Variants in ST8SIA4 observed in about 807,000 individuals in gnomAD.
The protein encoded by ST8SIA4 is ST8 alpha-N-acetyl-neuraminide alpha-2,8-sialyltransferase 4, also known as CMP-N-acetylneuraminate-poly-alpha-2,8-sialyltransferase.
In ST8SIA4, 15 loss-of-function variants were observed where a neutral mutation model predicts 33.9. That is an observed-to-expected ratio of 0.44 (90% CI 0.30 to 0.68). The LOEUF (loss-of-function observed/expected upper bound fraction) is 0.68, where lower values mean the gene tolerates loss of function less well. Ranked by LOEUF, ST8SIA4 falls within the 30% of genes least tolerant of loss-of-function variation. The pLI is 0.10. For synonymous variants in ST8SIA4, 171 were observed against 151.2 expected, an observed-to-expected ratio of 1.13 and a Z score of -0.96; for missense variants, 321 against 428.0, an observed-to-expected ratio of 0.75 and a Z score of 2.21.
chr5:100,888,703 GA>G (rs1752593927), intron 2 of ST8SIA4, among the ~76,000 whole-genome samples: 1 of 151,880 alleles, frequency 6.6e-6, no homozygotes, highest in African/African-American at 2.4e-5. Flanking sequence ...CTCTAACTCA[GA>G]AGGCATAAGC....
At position 100,856,756 on chromosome 5, in the gene ST8SIA4, T is replaced by G. The variant is rs2112440809; in HGVS notation, c.504-360A>C. On this transcript the variant is annotated intron_variant, in intron 3 of 4. Coordinates refer to ENST00000231461, the MANE Select transcript of ST8SIA4 (RefSeq NM_005668.6). ...TTCTTTGGCCATTCAGTAGTCAATT[T>G]AAACCACATGCTGCTCTACAAGTGA... is the stretch of plus-strand genomic sequence containing the variant. 2.0e-5 allele frequency among the ~76,000 whole-genome samples: 3 copies of G among 152,330 alleles called. No homozygotes were observed. In the South Asian group the frequency reaches 6.2e-4, roughly 32 times the overall value.
At position 100,811,850 on chromosome 5, in the gene ST8SIA4, T is replaced by A; in HGVS notation, c.1077A>T (p.Gln359His). 6.2e-7 allele frequency: 1 copy of A among 1,602,670 alleles called. No individual in the cohort carries two copies. Among genetic ancestry groups the A allele is most frequent in the Non-Finnish European group, 8.5e-7 (1 of 1,174,230 alleles). The part of the protein sequence containing the change: ...LKLTTGKCVK[Q>H] ...ATTGTTTGTTTCAAAATGTGCTTTA[T>A]TGCTTTACACACTTTCCTGTTGTCA... Residue 359 changes from glutamine to histidine, a missense_variant, in exon 5 of 5, where the codon CAA (glutamine) becomes CAT (histidine). Gln to His is a conservative substitution (Grantham distance 24, BLOSUM62 0). Transcript: ENST00000231461.
intron 4 of ST8SIA4, among the ~76,000 whole-genome samples, chr5:100,838,890 T>G (rs1580456642): frequency 6.6e-6 from 1 of 152,146 alleles, no homozygotes; most frequent in South Asian, 2.1e-4. Flanking sequence ...AATCATAAAA[T>G]GGTGGCATTC....
At chr5:100,849,808 A>G (rs1197247195) in intron 4 of ST8SIA4, among the ~76,000 whole-genome samples, 1 of 152,106 alleles carries the variant, frequency 6.6e-6, no homozygotes, top group African/African-American at 2.4e-5. Flanking sequence ...AAAGAAACCC[A>G]AAAAACAAAA....
At chr5:100,872,987 T>A (rs556669346) in intron 3 of ST8SIA4, among the ~76,000 whole-genome samples, 14 of 152,088 alleles carry the variant, frequency 9.2e-5, no homozygotes, top group Middle Eastern at 6.8e-3. Context: ...ACCTGGACAC[T>A]GTAATCAAAT....
rs17160328 is a variant in ST8SIA4 at position 100,843,850 on chromosome 5, A to G, written c.797+12253T>C. On this transcript the variant is annotated intron_variant, in intron 4 of 4. Transcript: ENST00000231461. ...TAAATCCCTTCTTTTAATCTCAACAACTTATTTGCCCCTAAGAATGAATTA... is the reference window on the plus strand; with the variant it reads ...TAAATCCCTTCTTTTAATCTCAACAGCTTATTTGCCCCTAAGAATGAATTA... 7.4e-3 allele frequency among the ~76,000 whole-genome samples: 1,124 copies of G among 151,912 alleles called. 19 individuals are homozygous for G. Among genetic ancestry groups the G allele is most frequent in the African/African-American group, 0.025 (1,049 of 41,492 alleles).
intron 3 of ST8SIA4, among the ~76,000 whole-genome samples, chr5:100,876,386 T>A (rs960152027): frequency 4.6e-5 from 7 of 152,114 alleles, no homozygotes; most frequent in African/African-American, 1.7e-4. Flanking sequence ...GGTACATAAA[T>A]GGCACATCAA....
Position 100,807,680 on chromosome 5 carries a change from G to C in ST8SIA4, c.*4167C>G, listed in dbSNP as rs1425266618. ...CTCTTAAAGCACGTTAGTAACTGAAGTCTCAAAAGAACTTCTTTATTCTAA... is the reference window on the plus strand; with the variant it reads ...CTCTTAAAGCACGTTAGTAACTGAACTCTCAAAAGAACTTCTTTATTCTAA... On this transcript the variant is annotated 3_prime_UTR_variant, in exon 5 of 5. Transcript: ENST00000231461. 2 of 152,472 alleles carry C rather than the reference G, an allele frequency of 1.3e-5. No individual in the cohort carries two copies. Among genetic ancestry groups the C allele is most frequent in the Non-Finnish European group, 2.9e-5 (2 of 67,958 alleles). The allele number at this position is 152,472 out of a possible 1,614,324, so 9.4% of individuals were successfully genotyped here. A position where few individuals can be genotyped will look rare whatever the true frequency, so the allele number is the denominator to read the frequency against.
At position 100,895,767 on chromosome 5, in the gene ST8SIA4, C is replaced by G; in HGVS notation, c.132G>C (p.Leu44Phe). The G allele has an allele frequency of 1.9e-6, 3 of 1,611,572 alleles. No individual in the cohort carries two copies. Among genetic ancestry groups the G allele is most frequent in the Non-Finnish European group, 2.5e-6 (3 of 1,178,748 alleles). The change falls in exon 2 of 5, where the codon TTG (leucine) becomes TTC (phenylalanine). Residue 44 changes from leucine to phenylalanine, a missense_variant. Physicochemically the swap from Leu to Phe is conservative, Grantham distance 22. Coordinates refer to ENST00000231461, the MANE Select transcript of ST8SIA4 (RefSeq NM_005668.6). ...TQLIGDGELS[L>F]SRSLVNSSDK... ...CAGAGCTATTGACAAGTGACCGACT[C>G]AAAGACAATTCACCATCTCTGAAAC... is the stretch of plus-strand genomic sequence containing the variant.
chr5:100,882,968 A>G (rs1054988700), intron 3 of ST8SIA4, among the ~76,000 whole-genome samples: 11 of 152,186 alleles, frequency 7.2e-5, no homozygotes, highest in African/African-American at 2.4e-4. Flanking sequence ...GTGGAAGGGA[A>G]ATGTGAGGTT....
intron 4 of ST8SIA4, among the ~76,000 whole-genome samples, chr5:100,820,952 T>C (rs1354283891): frequency 2.6e-5 from 4 of 152,124 alleles, no homozygotes; most frequent in Admixed American, 6.6e-5. Context: ...TTTAATCCAT[T>C]ACTATTTTAA....
At chr5:100,869,231 T>G (rs987248619) in intron 3 of ST8SIA4, among the ~76,000 whole-genome samples, 2 of 152,136 alleles carry the variant, frequency 1.3e-5, no homozygotes, top group African/African-American at 2.4e-5. Flanking sequence ...CACTGACAAG[T>G]GTATTTGTGT....
chr5:100,859,852 A>G (rs1000412955), intron 3 of ST8SIA4, among the ~76,000 whole-genome samples: 2 of 152,128 alleles, frequency 1.3e-5, no homozygotes, highest in Non-Finnish European at 2.9e-5. Flanking sequence ...TCAACAATGT[A>G]TGCAACTAGG....
rs1345847957 is a variant in ST8SIA4, at chr5:100,810,054, T to G, written c.*1793A>C. 1 of 152,216 alleles carries G rather than the reference T, an allele frequency of 6.6e-6. No individual in the cohort carries two copies. Among genetic ancestry groups the G allele is most frequent in the East Asian group, 1.9e-4 (1 of 5,202 alleles). The allele number at this position is 152,216 out of a possible 1,614,324, so 9.4% of individuals were successfully genotyped here. ...CATATATATTCCCCATGCCATTTCT[T>G]CTTTCCTCAAATTGCCTGCCCAAGA... On this transcript the variant is annotated 3_prime_UTR_variant, in exon 5 of 5. Coordinates refer to ENST00000231461, the MANE Select transcript of ST8SIA4 (RefSeq NM_005668.6).
rs144473066 is a variant in ST8SIA4 at position 100,903,073 on chromosome 5, G to A, written c.-118C>T. ...ATCTGTAAAATGCGAGGAGAGCTTGGAGCCGGGATCCCGGGATCAGATCAC... is the reference window on the plus strand; with the variant it reads ...ATCTGTAAAATGCGAGGAGAGCTTGAAGCCGGGATCCCGGGATCAGATCAC... On this transcript the variant is annotated 5_prime_UTR_variant, in exon 1 of 5. Transcript: ENST00000231461. 2.8e-6 allele frequency: 2 copies of A among 712,392 alleles called. No homozygotes were observed. Among genetic ancestry groups the A allele is most frequent in the African/African-American group, 1.8e-5 (1 of 55,984 alleles). The allele number at this position is 712,392 out of a possible 1,614,324, so 44.1% of individuals were successfully genotyped here. A position where few individuals can be genotyped will look rare whatever the true frequency, so the allele number is the denominator to read the frequency against.
At chr5:100,870,925 C>T (rs1296043463) in intron 3 of ST8SIA4, among the ~76,000 whole-genome samples, 1 of 151,970 alleles carries the variant, frequency 6.6e-6, no homozygotes, top group Non-Finnish European at 1.5e-5. Flanking sequence ...AGCAAAATTA[C>T]TGGAGAAAAT....
At chr5:100,870,216 T>C (rs778432054) in intron 3 of ST8SIA4, among the ~76,000 whole-genome samples, 4 of 152,194 alleles carry the variant, frequency 2.6e-5, no homozygotes, top group Non-Finnish European at 5.9e-5. Context: ...GTGGTGTATA[T>C]ATGCCACATT....
At chr5:100,840,222 G>A (rs1323510693) in intron 4 of ST8SIA4, among the ~76,000 whole-genome samples, 1 of 151,572 alleles carries the variant, frequency 6.6e-6, no homozygotes, top group African/African-American at 2.4e-5. Flanking sequence ...ACATTTTAGA[G>A]TATTTTCTAC....
rs561327609 is a variant in ST8SIA4 at position 100,823,632 on chromosome 5, A to C, written c.798-11503T>G. Among the ~76,000 whole-genome samples, 80 of 152,358 alleles carry C rather than the reference A, an allele frequency of 5.3e-4. No homozygotes were observed. The South Asian group carries it at 9.7e-3, about 19-fold the overall frequency. The stretch of plus-strand genomic sequence containing the variant: ...CTAGTGCCTGAATTATACAACCAGG[A>C]ATTTAAAATTATCCGGTAAAACAAA... On this transcript the variant is annotated intron_variant, in intron 4 of 4. Coordinates refer to ENST00000231461, the MANE Select transcript of ST8SIA4 (RefSeq NM_005668.6).
Sources: allele counts gnomAD v4.1 joint callset (sites outside exome capture counted in the v4.1 genomes callset), GRCh38; gene constraint gnomAD v4.1.1; transcripts MANE v1.5; gene names NCBI Gene and HGNC (gene_info 2026-07-23, HGNC 2026-07-21).